Variants in NCOA1 observed in about 807,000 individuals in gnomAD.
The protein encoded by NCOA1 is Hin-2 protein.
NCOA1 carries 35 observed loss-of-function variants against 150.9 expected under a neutral mutation model. The observed-to-expected ratio is 0.23, with a 90% CI of 0.18 to 0.31. NCOA1 has a LOEUF of 0.31. Among genes scored for constraint, NCOA1 ranks in the 10% least tolerant of loss-of-function variants. The pLI is 1.00. For missense variants in NCOA1, 1,491 were observed against 1,749.3 expected (o/e 0.85, Z 2.63); for synonymous variants, 590 against 630.0 (o/e 0.94, Z 0.95).
At chr2:24,767,859 C>T (rs1665146621) in intron 22 of NCOA1, 2 of 481,252 alleles carry the variant, frequency 4.2e-6, no homozygotes, top group Non-Finnish European at 7.4e-6. Context: ...GGTTTTAAAC[C>T]AGTTTTCTAA....
intron 1 of NCOA1, among the ~76,000 whole-genome samples, chr2:24,543,828 C>G (rs921531977): frequency 6.6e-6 from 1 of 151,930 alleles, no homozygotes; most frequent in Non-Finnish European, 1.5e-5. Flanking sequence ...TGGGCTTTAT[C>G]CTGAGAGGAA....
intron 1 of NCOA1, among the ~76,000 whole-genome samples, chr2:24,544,738 CAAGAAAAAAT>C (rs1156540974): frequency 1.3e-5 from 2 of 151,392 alleles, no homozygotes; most frequent in African/African-American, 4.9e-5. Flanking sequence ...GACCCTGTCT[CAAGAAAAAAT>C]AAAAGAAGAT....
chr2:24,643,570 A>G (rs1261482008), intron 3 of NCOA1, among the ~76,000 whole-genome samples: 1 of 152,316 alleles, frequency 6.6e-6, no homozygotes, highest in East Asian at 1.9e-4. Flanking sequence ...TGAAGACAAA[A>G]TATTATAGGA....
chr2:24,625,508 T>C (rs1324681263), intron 3 of NCOA1, among the ~76,000 whole-genome samples: 3 of 152,212 alleles, frequency 2.0e-5, no homozygotes, highest in Non-Finnish European at 4.4e-5. Context: ...TTTCTTTCAC[T>C]GATTTCTGCA....
chr2:24,732,975 C>T (rs1308981247), intron 17 of NCOA1, among the ~76,000 whole-genome samples: 1 of 151,788 alleles, frequency 6.6e-6, no homozygotes, highest in Non-Finnish European at 1.5e-5. Context: ...ACATGTCTGA[C>T]TAGTCAGAAC....
intron 2 of NCOA1, among the ~76,000 whole-genome samples, chr2:24,577,678 A>ATTGATATCCAGCACTTGGGTGATAGTACT (rs1667046717): frequency 1.3e-5 from 2 of 152,224 alleles, no homozygotes; most frequent in Non-Finnish European, 2.9e-5. Context: ...CTTTTGACAG[A>ATTGATATCCAGCACTTGGGTGATAGTACT]TTGATATCCA....
intron 3 of NCOA1, among the ~76,000 whole-genome samples, chr2:24,641,139 A>C (rs1335495482): frequency 1.3e-5 from 2 of 151,788 alleles, no homozygotes; most frequent in Non-Finnish European, 2.9e-5. Context: ...TGGATGCTCT[A>C]GGAATTAAAA....
chr2:24,532,865 A>G (rs995303045), intron 1 of NCOA1, among the ~76,000 whole-genome samples: 2 of 152,160 alleles, frequency 1.3e-5, no homozygotes, highest in African/African-American at 4.8e-5. Context: ...GCCTTGTAGT[A>G]TAGTTGAAGT....
At chr2:24,639,094 C>G (rs1670065126) in intron 3 of NCOA1, among the ~76,000 whole-genome samples, 1 of 151,776 alleles carries the variant, frequency 6.6e-6, no homozygotes, top group African/African-American at 2.4e-5. Context: ...TTTTGTTTGC[C>G]TAATAAAACA....
chr2:24,718,304 C>T (rs1287130943), intron 14 of NCOA1, among the ~76,000 whole-genome samples: 1 of 152,114 alleles, frequency 6.6e-6, no homozygotes, highest in Non-Finnish European at 1.5e-5. Flanking sequence ...ACTGACCATA[C>T]CAAGTGATGG....
intron 13 of NCOA1, 70 bp downstream of exon 13, chr2:24,707,958 T>C (rs1673540656): frequency 2.7e-6 from 4 of 1,485,686 alleles, no homozygotes; most frequent in Non-Finnish European, 3.6e-6. Flanking sequence ...CTATTCCATC[T>C]GTAGACCAGA....
intron 10 of NCOA1, among the ~76,000 whole-genome samples, chr2:24,696,098 A>G (rs1052011653): frequency 5.9e-5 from 9 of 152,172 alleles, no homozygotes; most frequent in Admixed American, 3.9e-4. Flanking sequence ...GCTTTCCCCA[A>G]ACTGTTCTTA....
rs542371237 is a variant in NCOA1, at chr2:24,633,977, T to C, written c.-174-9989T>C. Among the ~76,000 whole-genome samples the C allele has an allele frequency of 4.6e-5, 7 of 152,304 alleles. 1 individual carries two copies. The South Asian group carries it at 1.4e-3, about 32-fold the overall frequency. On this transcript the variant is annotated intron_variant, in intron 3 of 22. Coordinates refer to ENST00000348332, the MANE Select transcript of NCOA1 (RefSeq NM_003743.5). ...ACAAAAATGGCTAAGATGTGGTATA[T>C]TCACATACACATATGAACAGAACAC...
intron 1 of NCOA1, among the ~76,000 whole-genome samples, chr2:24,557,741 G>T (rs745777597): frequency 2.6e-5 from 4 of 151,938 alleles, no homozygotes; most frequent in Non-Finnish European, 5.9e-5. Context: ...TGAATTCTAT[G>T]TTCAGCTTTT....
At chr2:24,738,884 A>G (rs555799128) in intron 17 of NCOA1, among the ~76,000 whole-genome samples, 15 of 152,180 alleles carry the variant, frequency 9.9e-5, no homozygotes, top group African/African-American at 3.4e-4. Context: ...TTTTCAGACC[A>G]TTTGTTTCTT....
rs1250283392 is a variant in NCOA1, at chr2:24,763,616, C to CTCTTTT, written c.4155+841_4155+842insCTTTTT. On this transcript the variant is annotated intron_variant, in intron 22 of 22. Coordinates refer to ENST00000348332, the MANE Select transcript of NCOA1 (RefSeq NM_003743.5). ...TTTGGTTGAACTTTGGTCTCTCTCTCTTTTTTTTTTTTTTTTTTTTTTGAG... is the reference window on the plus strand; with the variant it reads ...TTTGGTTGAACTTTGGTCTCTCTCTCTCTTTTTTTTTTTTTTTTTTTTTTTTTTGAG... Among the ~76,000 whole-genome samples, 42 of 85,324 alleles carry CTCTTTT rather than the reference C, an allele frequency of 4.9e-4. 1 individual carries two copies. Among genetic ancestry groups the CTCTTTT allele is most frequent in the African/African-American group, 1.6e-3 (35 of 22,134 alleles). 56.0% of individuals were successfully genotyped at this position (85,324 alleles called of 152,430 possible). A position where few individuals can be genotyped will look rare whatever the true frequency, so the allele number is the denominator to read the frequency against.
intron 7 of NCOA1, among the ~76,000 whole-genome samples, chr2:24,677,011 GGA>G (rs1671942006): frequency 6.6e-6 from 1 of 152,136 alleles, no homozygotes; most frequent in African/African-American, 2.4e-5. Flanking sequence ...TGACAAACAG[GGA>G]GAGTATATTA....
intron 7 of NCOA1, among the ~76,000 whole-genome samples, chr2:24,677,899 C>T (rs1345558443): frequency 7.2e-5 from 11 of 151,962 alleles, no homozygotes; most frequent in African/African-American, 1.2e-4. Flanking sequence ...TTTTAAGTTC[C>T]GGGGTACATG....
intron 3 of NCOA1, among the ~76,000 whole-genome samples, chr2:24,627,512 A>G (rs1669485181): frequency 6.6e-6 from 1 of 152,218 alleles, no homozygotes; most frequent in Non-Finnish European, 1.5e-5. Context: ...CTGCACATAG[A>G]AAAAATTAGT....
Sources: gnomAD v4.1 joint callset for allele counts (sites outside exome capture counted in the v4.1 genomes callset) on GRCh38, gnomAD v4.1.1 for gene constraint, MANE v1.5 for transcripts, NCBI Gene and HGNC (gene_info 2026-07-23, HGNC 2026-07-21) for gene names.